The following HUWE1 variants were observed in gnomAD, a reference collection of about 807,000 sequenced individuals.
HUWE1 encodes E3 ubiquitin-protein ligase HUWE1.
In HUWE1, 18 loss-of-function variants were observed where a neutral mutation model predicts 299.4. The observed-to-expected ratio is 0.06, with a 90% CI of 0.04 to 0.09. The LOEUF (loss-of-function observed/expected upper bound fraction) is 0.09, where lower values mean the gene tolerates loss of function less well. Ranked by LOEUF, HUWE1 falls within the 10% of genes least tolerant of loss-of-function variation. The pLI, the probability that HUWE1 is intolerant of heterozygous loss-of-function variation, is 1.00. For synonymous variants in HUWE1, 1,317 were observed against 1,286.1 expected (o/e 1.02, Z -0.51); for missense variants, 1,832 against 3,462.3 (o/e 0.53, Z 11.82).
At position 53,539,805 on chromosome X, in the gene HUWE1, A is replaced by T. The variant is rs1556916882; in HGVS notation, c.11484T>A (p.Asp3828Glu). ...TTTCCTTCTCCCCCTGTGGGGTTCC[A>T]TCGGAGGCTGGAGGGCACACAGAAG... is the stretch of plus-strand genomic sequence containing the variant. ...SAQDTQSIAS[D>E]GTPQGEKEKE... The change falls in exon 75 of 84, where the codon GAT (aspartate) becomes GAA (glutamate). Residue 3828 changes from aspartate (D) to glutamate (E), a missense_variant. Asp to Glu is a conservative substitution (Grantham distance 45). Transcript: ENST00000262854. 1 of 1,208,646 alleles carries T rather than the reference A, an allele frequency of 8.3e-7. No homozygotes were observed. Among genetic ancestry groups the T allele is most frequent in the African/African-American group, 1.7e-5 (1 of 57,792 alleles).
intron 29 of HUWE1, among the ~76,000 whole-genome samples, chrX:53,595,977 T>C (rs1343219569): frequency 8.9e-6 from 1 of 112,320 alleles, no homozygotes; most frequent in Non-Finnish European, 1.9e-5. Context: ...AGCATACAAA[T>C]ATAAACATAT....
rs1203130426 is a variant in HUWE1 at position 53,548,885 on chromosome X, T to G, written c.10035+74A>C. On this transcript the variant is annotated intron_variant, in intron 67 of 83. Coordinates refer to ENST00000262854, the MANE Select transcript of HUWE1 (RefSeq NM_031407.7). ...GAGCAAAAAGACACGCTAGCCTGCT[T>G]AGTGTTCAACTTTCACCCAGGCTCT... The G allele has an allele frequency of 1.9e-5, 17 of 877,394 alleles. 1 individual carries two copies. The highest frequency in any genetic ancestry group is 4.1e-5 in the African/African-American group (2 of 48,946). 72.3% of individuals were successfully genotyped at this position (877,394 alleles called of 1,213,427 possible). A position where few individuals can be genotyped will look rare whatever the true frequency, so the allele number is the denominator to read the frequency against.
chrX:53,593,940 T>C (rs1327064229), intron 31 of HUWE1, among the ~76,000 whole-genome samples: 1 of 109,797 alleles, frequency 9.1e-6, no homozygotes, highest in Non-Finnish European at 1.9e-5. Context: ...CTACTAAATA[T>C]ACAAAAATTA....
At chrX:53,575,609 GAAGA>G (rs782714165) in intron 45 of HUWE1, 30 bp downstream of exon 45, 33 of 1,191,746 alleles carry the variant, frequency 2.8e-5, no homozygotes, top group East Asian at 1.8e-4. Flanking sequence ...TGAAAAATGA[GAAGA>G]AAGATAAAAC....
rs1556948979 is a variant in HUWE1, at chrX:53,569,684, T to C, written c.6456A>G (p.Leu2152=). Residue 2152 remains leucine (L), a synonymous_variant, in exon 48 of 84, where the codon CTA becomes CTG. Coordinates refer to ENST00000262854, the MANE Select transcript of HUWE1 (RefSeq NM_031407.7). ...CAAGGGCTGCTTTTACTTCATTCAC[T>C]AGGGCCACCTGGGCATCTGTGCCAC... ...AGSGTDAQVA[L]VNEVKAALGR... is the part of the protein sequence containing the mutation. 15 of 1,211,994 alleles carry C rather than the reference T, an allele frequency of 1.2e-5. No homozygotes were observed. The highest frequency in any genetic ancestry group is 2.2e-5 in the Admixed American group (1 of 46,103).
chrX:53,597,048 T>C (rs1053554950), intron 29 of HUWE1, among the ~76,000 whole-genome samples: 2 of 112,215 alleles, frequency 1.8e-5, no homozygotes, highest in Non-Finnish European at 3.8e-5. Context: ...GACAAATCTA[T>C]AGATTCTAAT....
intron 47 of HUWE1, among the ~76,000 whole-genome samples, chrX:53,572,564 C>T (rs782627594): frequency 2.7e-5 from 3 of 111,597 alleles, no homozygotes; most frequent in Non-Finnish European, 5.7e-5. Context: ...GGCACCCTTA[C>T]GGGAAAAAAT....
Position 53,555,046 on chromosome X carries a change from A to G in HUWE1, c.8207-126T>C, listed in dbSNP as rs1468759739. 21 of 481,216 alleles carry G rather than the reference A, an allele frequency of 4.4e-5. No homozygotes were observed. In the African/African-American group the frequency reaches 4.8e-4, roughly 11 times the overall value. 39.7% of individuals were successfully genotyped at this position (481,216 alleles called of 1,213,427 possible). A position where few individuals can be genotyped will look rare whatever the true frequency, so the allele number is the denominator to read the frequency against. ...GCCAGTGATCATCCCCACAACAAAA[A>G]TACTCCAAGGAACATCTCTGGTCTG... On this transcript the variant is annotated intron_variant, in intron 60 of 83. Coordinates refer to ENST00000262854, the MANE Select transcript of HUWE1 (RefSeq NM_031407.7).
At chrX:53,610,589 T>A (rs782001498) in intron 23 of HUWE1, among the ~76,000 whole-genome samples, 1 of 111,705 alleles carries the variant, frequency 9.0e-6, no homozygotes, top group Non-Finnish European at 1.9e-5. Context: ...CCCCAGCTCA[T>A]GCCCCCATCA....
chrX:53,645,764 T>A (rs1163396810), intron 6 of HUWE1, among the ~76,000 whole-genome samples: 1 of 89,139 alleles, frequency 1.1e-5, no homozygotes, highest in African/African-American at 4.3e-5. Context: ...TATATATATA[T>A]ATATATATAT....
intron 19 of HUWE1, among the ~76,000 whole-genome samples, chrX:53,618,412 G>A (rs1355272990): frequency 9.1e-6 from 1 of 110,062 alleles, no homozygotes. Context: ...AGTAATATAC[G>A]TTATGAATGA....
chrX:53,589,419 G>T, intron 36 of HUWE1, 128 bp downstream of exon 36: 2 of 649,243 alleles, frequency 3.1e-6, no homozygotes, highest in Non-Finnish European at 5.1e-6. Context: ...CAGATCGAAA[G>T]AATCCAAATA....
chrX:53,611,870 AT>A (rs200863322), intron 23 of HUWE1, among the ~76,000 whole-genome samples: 4 of 109,905 alleles, frequency 3.6e-5, no homozygotes, highest in Non-Finnish European at 5.7e-5. Flanking sequence ...AAAAAAAAAA[AT>A]AAATAAATAA....
rs2062180969 is a variant in HUWE1 at position 53,559,347 on chromosome X, A to G, written c.7915+7T>C. ...ATTCTACCCTCCCTTTCACCACACA[A>G]ACTTGCCTGCTTGGCTGGTAGCTGT... On this transcript the variant is annotated splice_region_variant and intron_variant, in intron 57 of 83. Transcript: ENST00000262854. 8.3e-7 allele frequency: 1 copy of G among 1,209,363 alleles called. No individual in the cohort carries two copies.
intron 7 of HUWE1, among the ~76,000 whole-genome samples, chrX:53,641,500 A>C (rs1315931918): frequency 1.8e-5 from 2 of 111,970 alleles, no homozygotes; most frequent in Admixed American, 1.9e-4. Context: ...AGATGCTAAA[A>C]TAAAAAGTGT....
In HUWE1 at chrX:53,680,180, G is replaced by A; in HGVS notation, c.-156C>T. 3.4e-6 allele frequency: 1 copy of A among 296,506 alleles called. No individual in the cohort carries two copies. Among genetic ancestry groups the A allele is most frequent in the Non-Finnish European group, 5.9e-6 (1 of 169,916 alleles). The allele number at this position is 296,506 out of a possible 1,213,427, so 24.4% of individuals were successfully genotyped here. A position where few individuals can be genotyped will look rare whatever the true frequency, so the allele number is the denominator to read the frequency against. ...ACTAACCCACTCAGGTCAGGCTGCT[G>A]GAGGACCTACAAAAAAAAAGTTGGG... On this transcript the variant is annotated 5_prime_UTR_variant, in exon 3 of 84. Transcript: ENST00000262854.
Position 53,538,332 on chromosome X carries a change from C to A in HUWE1, c.11996+5G>T. 1 of 1,159,099 alleles carries A rather than the reference C, an allele frequency of 8.6e-7. No homozygotes were observed. Among genetic ancestry groups the A allele is most frequent in the Non-Finnish European group, 1.2e-6 (1 of 847,828 alleles). On this transcript the variant is annotated splice_donor_5th_base_variant and intron_variant, in intron 77 of 83. Transcript: ENST00000262854. Reference sequence around the variant, plus strand: ...CCTCTACCCCCCAATATCCAGGACACATACTTGCGCTTGACATCAAAGTCG... The same window carrying A: ...CCTCTACCCCCCAATATCCAGGACAAATACTTGCGCTTGACATCAAAGTCG...
At chrX:53,580,707 C>T (rs2063574553) in intron 43 of HUWE1, 124 bp downstream of exon 43, 1 of 641,946 alleles carries the variant, frequency 1.6e-6, no homozygotes, top group South Asian at 2.6e-5. Flanking sequence ...ATCAATTAGC[C>T]AGCAAATGTC....
intron 5 of HUWE1, among the ~76,000 whole-genome samples, chrX:53,647,829 C>T (rs141259697): frequency 1.2e-3 from 131 of 112,006 alleles, no homozygotes; most frequent in African/African-American, 4.0e-3. Context: ...TGGAGAACTC[C>T]GGTTACATTC....
Sources: gnomAD v4.1 joint callset for allele counts (sites outside exome capture counted in the v4.1 genomes callset) on GRCh38, gnomAD v4.1.1 for gene constraint, MANE v1.5 for transcripts, NCBI Gene and HGNC (gene_info 2026-07-23, HGNC 2026-07-21) for gene names.